The following RBFOX3 variants were observed in gnomAD, a reference collection of about 807,000 sequenced individuals.
The protein encoded by RBFOX3 is RNA binding fox-1 homolog 3.
In RBFOX3, 17 loss-of-function variants were observed where a neutral mutation model predicts 48.7. That is an observed-to-expected ratio of 0.35 (90% CI 0.24 to 0.52). The LOEUF (loss-of-function observed/expected upper bound fraction) is 0.52, where lower values mean the gene tolerates loss of function less well. Among genes scored for constraint, RBFOX3 ranks in the 20% least tolerant of loss-of-function variants. The probability of loss-of-function intolerance (pLI) is 0.94; values close to 1 mark genes in which losing one functional copy is unlikely to be tolerated. For missense variants in RBFOX3, 382 were observed against 497.5 expected, an observed-to-expected ratio of 0.77 and a Z score of 2.21; for synonymous variants, 212 against 209.5, an observed-to-expected ratio of 1.01 and a Z score of -0.10.
intron 3 of RBFOX3, among the ~76,000 whole-genome samples, chr17:79,278,126 A>C (rs2069356061): frequency 6.6e-6 from 1 of 152,326 alleles, no homozygotes; most frequent in African/African-American, 2.4e-5. Flanking sequence ...AGATGGCCCC[A>C]GGAAGGCTGG....
chr17:79,376,345 G>A (rs1156647331), intron 2 of RBFOX3, among the ~76,000 whole-genome samples: 1 of 152,172 alleles, frequency 6.6e-6, no homozygotes, highest in African/African-American at 2.4e-5. Flanking sequence ...CCAGTCATGG[G>A]TCACAAGCAA....
intron 1 of RBFOX3, among the ~76,000 whole-genome samples, chr17:79,552,006 C>G (rs1445174905): frequency 1.3e-5 from 2 of 152,162 alleles, no homozygotes; most frequent in African/African-American, 4.8e-5. Flanking sequence ...ATTCAGTAGG[C>G]ATAGGGGAGG....
chr17:79,154,519 C>T (rs1162808168), intron 4 of RBFOX3, among the ~76,000 whole-genome samples: 3 of 152,186 alleles, frequency 2.0e-5, no homozygotes, highest in Admixed American at 6.5e-5. Context: ...GGGAGGAAGT[C>T]GGGCGCCTGT....
chr17:79,180,767 G>A (rs528938719), intron 4 of RBFOX3, among the ~76,000 whole-genome samples: 6 of 151,968 alleles, frequency 3.9e-5, no homozygotes, highest in Admixed American at 6.6e-5. Context: ...AGACCTTTCC[G>A]GAGTCCACCG....
intron 2 of RBFOX3, among the ~76,000 whole-genome samples, chr17:79,478,579 C>T (rs1224921527): frequency 6.6e-6 from 1 of 152,230 alleles, no homozygotes; most frequent in East Asian, 1.9e-4. Context: ...CATTCCTTGG[C>T]TCCTCTGTGT....
intron 3 of RBFOX3, among the ~76,000 whole-genome samples, chr17:79,302,975 C>T (rs991547459): frequency 4.6e-5 from 7 of 152,152 alleles, no homozygotes; most frequent in South Asian, 4.2e-4. Flanking sequence ...TATGTAAGGC[C>T]GGAGGATTTC....
rs144395074 is a variant in RBFOX3 at position 79,543,446 on chromosome 17, T to C, written c.-319-60848A>G. 3.5e-3 allele frequency among the ~76,000 whole-genome samples: 533 copies of C among 152,174 alleles called. 5 individuals are homozygous for C. The highest frequency in any genetic ancestry group is 5.7e-3 in the Non-Finnish European group (389 of 68,002). ...CCTCTGAGGGTAGAATTTCCCCTCCTGACAAGCAGGACCCCCTTGGAACCA... is the reference window on the plus strand; with the variant it reads ...CCTCTGAGGGTAGAATTTCCCCTCCCGACAAGCAGGACCCCCTTGGAACCA... On this transcript the variant is annotated intron_variant, in intron 1 of 14. Transcript: ENST00000693108.
At chr17:79,283,917 G>A (rs537439433) in intron 3 of RBFOX3, among the ~76,000 whole-genome samples, 1,436 of 130,420 alleles carry the variant, frequency 0.011, 1 homozygote, top group Non-Finnish European at 0.015. Flanking sequence ...CAGGACCATC[G>A]TAACATTTGC....
chr17:79,421,390 A>C lies in RBFOX3; in HGVS notation c.-175+61064T>G, dbSNP rs1211891304. ...CTGCTTGAAGTGGATGGCCCCCTCAATGTGGAAGGAGGCTGGGCCTGGCTG... is the reference window on the plus strand; with the variant it reads ...CTGCTTGAAGTGGATGGCCCCCTCACTGTGGAAGGAGGCTGGGCCTGGCTG... On this transcript the variant is annotated intron_variant, in intron 2 of 14. Coordinates refer to ENST00000693108, the MANE Select transcript of RBFOX3 (RefSeq NM_001350451.2). The surrounding 1 kb of genome is among the most constrained non-coding windows in gnomAD (Gnocchi z 4.5). 6.6e-6 allele frequency among the ~76,000 whole-genome samples: 1 copy of C among 152,232 alleles called. No individual in the cohort carries two copies. The highest frequency in any genetic ancestry group is 2.4e-5 in the African/African-American group (1 of 41,558).
At chr17:79,365,515 T>C (rs754471811) in intron 2 of RBFOX3, among the ~76,000 whole-genome samples, 71 of 152,382 alleles carry the variant, frequency 4.7e-4, no homozygotes, top group Non-Finnish European at 8.1e-4. Context: ...AGCGCGGCCC[T>C]GGCGCTCCCA....
intron 2 of RBFOX3, among the ~76,000 whole-genome samples, chr17:79,332,418 C>T (rs1305454537): frequency 6.6e-6 from 1 of 151,926 alleles, no homozygotes; most frequent in African/African-American, 2.4e-5. Context: ...ATAGGGAGCC[C>T]TAGGATGCTG....
chr17:79,543,503 G>C (rs1276287096), intron 1 of RBFOX3, among the ~76,000 whole-genome samples: 1 of 152,054 alleles, frequency 6.6e-6, no homozygotes, highest in African/African-American at 2.4e-5. Context: ...CGTCTCTCGT[G>C]GGGCAGGCTT....
chr17:79,486,482 G>A (rs907907010), intron 1 of RBFOX3, among the ~76,000 whole-genome samples: 28 of 152,250 alleles, frequency 1.8e-4, no homozygotes, highest in African/African-American at 6.0e-4. Context: ...CTTCTGGGAG[G>A]TCAGTTGGGG....
In RBFOX3 at chr17:79,270,073, C is replaced by G. The variant is rs1015433011; in HGVS notation, c.-73-34268G>C. Among the ~76,000 whole-genome samples the G allele has an allele frequency of 7.9e-5, 12 of 152,264 alleles. No individual in the cohort carries two copies. In the East Asian group the frequency reaches 2.3e-3, roughly 29 times the overall value. ...TCACTCCCTTCCTCCTTCTTGCCAC[C>G]CTCTCGCTGGTCTTCCGCCTCTGTG... On this transcript the variant is annotated intron_variant, in intron 3 of 14. Coordinates refer to ENST00000693108, the MANE Select transcript of RBFOX3 (RefSeq NM_001350451.2).
chr17:79,579,162 G>C (rs2144748358), intron 1 of RBFOX3, among the ~76,000 whole-genome samples: 1 of 152,170 alleles, frequency 6.6e-6, no homozygotes, highest in East Asian at 1.9e-4. Flanking sequence ...ATGCTCTTTG[G>C]GGGAACCTCG....
At chr17:79,240,716 T>A (rs1325661149) in intron 3 of RBFOX3, among the ~76,000 whole-genome samples, 1 of 152,224 alleles carries the variant, frequency 6.6e-6, no homozygotes, top group East Asian at 1.9e-4. Context: ...CAGGCTGGAG[T>A]GCAGTGGCAC....
At chr17:79,494,292 C>G (rs1598930254) in intron 1 of RBFOX3, among the ~76,000 whole-genome samples, 1 of 152,152 alleles carries the variant, frequency 6.6e-6, no homozygotes, top group African/African-American at 2.4e-5. Flanking sequence ...CCAGGCAGGG[C>G]AGGAGAAGAT....
In RBFOX3 at chr17:79,299,774, G is replaced by A. The variant is rs959007181; in HGVS notation, c.-74+7950C>T. ...AGATTAGGACAGACGCAAACAGAGGGATGGCCACATAAGGACATGGAGAAG... is the reference window on the plus strand; with the variant it reads ...AGATTAGGACAGACGCAAACAGAGGAATGGCCACATAAGGACATGGAGAAG... On this transcript the variant is annotated intron_variant, in intron 3 of 14. Transcript: ENST00000693108. This position sits in a 1 kb window ranked among gnomAD's most constrained non-coding sequence, Gnocchi z 4.5. 6.6e-6 allele frequency among the ~76,000 whole-genome samples: 1 copy of A among 152,214 alleles called. No homozygotes were observed. The highest frequency in any genetic ancestry group is 6.5e-5 in the Admixed American group (1 of 15,284).
chr17:79,310,601 G>T (rs760259435), intron 2 of RBFOX3, among the ~76,000 whole-genome samples: 3 of 152,058 alleles, frequency 2.0e-5, no homozygotes, highest in East Asian at 3.9e-4. Flanking sequence ...CTGTCCTGTC[G>T]GCGAGGTGGA....
Sources: gnomAD v4.1 joint callset for allele counts (sites outside exome capture counted in the v4.1 genomes callset) on GRCh38, gnomAD v4.1.1 for gene constraint, Gnocchi (gnomAD v3.1) non-coding constraint, MANE v1.5 for transcripts, NCBI Gene and HGNC (gene_info 2026-07-23, HGNC 2026-07-21) for gene names.